The following STS variants were observed in gnomAD, a reference collection of about 807,000 sequenced individuals.
The protein encoded by STS is steroid sulfatase.
STS carries 7 observed loss-of-function variants against 26.8 expected under a neutral mutation model. The ratio of observed to expected loss-of-function variants is 0.26; its 90% CI spans 0.15 to 0.49. The LOEUF is 0.49. STS is among the 20% of genes least tolerant of loss of function. STS has a pLI of 0.98. For synonymous variants in STS, 199 were observed against 189.4 expected (o/e 1.05, Z -0.42); for missense variants, 434 against 465.6 (o/e 0.93, Z 0.63).
At chrX:7,200,174 T>C (rs1202216127) in intron 2 of STS, among the ~76,000 whole-genome samples, 2 of 110,732 alleles carry the variant, frequency 1.8e-5, no homozygotes, top group Non-Finnish European at 3.8e-5. Flanking sequence ...TTCTTCTTAG[T>C]CCTTTGAAAA....
intron 6 of STS, among the ~76,000 whole-genome samples, chrX:7,272,037 G>T (rs1422023395): frequency 5.5e-5 from 6 of 109,554 alleles, no homozygotes; most frequent in African/African-American, 2.0e-4. Context: ...AGTTCGAGGA[G>T]CCCAAGGTAT....
At chrX:7,178,154 A>G (rs1204398300) in intron 1 of STS, among the ~76,000 whole-genome samples, 1 of 112,423 alleles carries the variant, frequency 8.9e-6, no homozygotes, top group East Asian at 2.8e-4. Flanking sequence ...ATATAGAGAG[A>G]CAAAAGGTTT....
chrX:7,162,225 T>A (rs1012133515), intron 1 of STS, among the ~76,000 whole-genome samples: 4 of 111,516 alleles, frequency 3.6e-5, no homozygotes, highest in Non-Finnish European at 7.5e-5. Flanking sequence ...AACAAGCACT[T>A]CCCCAGTGCC....
chrX:7,275,459 G>A (rs1988081001), intron 6 of STS, among the ~76,000 whole-genome samples: 1 of 110,923 alleles, frequency 9.0e-6, no homozygotes, highest in African/African-American at 3.3e-5. Context: ...TACAAAATTT[G>A]TATATATATT....
At chrX:7,262,447 A>G (rs1236483001) in intron 6 of STS, among the ~76,000 whole-genome samples, 11 of 111,878 alleles carry the variant, frequency 9.8e-5, no homozygotes, top group Admixed American at 2.8e-4. Context: ...CATGGGGCTA[A>G]GAGGCAGTCT....
At chrX:7,305,637 T>C (rs1287940695) in intron 8 of STS, among the ~76,000 whole-genome samples, 1 of 111,812 alleles carries the variant, frequency 8.9e-6, no homozygotes, top group Non-Finnish European at 1.9e-5. Context: ...GGGGAATCTG[T>C]TTCCTTGGCT....
At chrX:7,334,150 C>T in intron 10 of STS, 43 bp downstream of exon 10, 1 of 1,210,220 alleles carries the variant, frequency 8.3e-7, no homozygotes, top group Non-Finnish European at 1.1e-6. Flanking sequence ...CTCCGTGCAA[C>T]CTATGCCATG....
chrX:7,182,098 C>G (rs1316217019), intron 1 of STS, among the ~76,000 whole-genome samples: 2 of 111,408 alleles, frequency 1.8e-5, no homozygotes, highest in Non-Finnish European at 3.8e-5. Flanking sequence ...AAAAAAACCT[C>G]AAAACAACCA....
At chrX:7,273,499 G>A (rs1249891294) in intron 6 of STS, among the ~76,000 whole-genome samples, 1 of 111,587 alleles carries the variant, frequency 9.0e-6, no homozygotes. Flanking sequence ...GTGGGTCCTA[G>A]CACTCCCATT....
At position 7,194,204 on chromosome X, in the gene STS, T is replaced by C. The variant is rs751696608; in HGVS notation, c.-5+3196T>C. 2.7e-5 allele frequency among the ~76,000 whole-genome samples: 3 copies of C among 111,406 alleles called. No individual in the cohort carries two copies. In the East Asian group the frequency reaches 8.4e-4, roughly 31 times the overall value. On this transcript the variant is annotated intron_variant, in intron 2 of 10. Coordinates refer to ENST00000674429, the MANE Select transcript of STS (RefSeq NM_001320752.2). ...GAGGCTAGAGAATGGGAAAGGCTGATTGGCACCATCAGCAAAGAAATCACA... is the reference window on the plus strand; with the variant it reads ...GAGGCTAGAGAATGGGAAAGGCTGACTGGCACCATCAGCAAAGAAATCACA...
At chrX:7,205,413 A>G (rs946371923) in intron 2 of STS, among the ~76,000 whole-genome samples, 2 of 111,578 alleles carry the variant, frequency 1.8e-5, no homozygotes, top group South Asian at 7.5e-4. Context: ...TCAATTAGGC[A>G]TGAAGGCTTT....
At chrX:7,235,501 A>G (rs969227959) in intron 2 of STS, among the ~76,000 whole-genome samples, 3 of 112,047 alleles carry the variant, frequency 2.7e-5, no homozygotes, top group East Asian at 2.8e-4. Flanking sequence ...AGCCGGGTCC[A>G]TTGGTTCACG....
chrX:7,216,750 CTG>C (rs1921326027), intron 2 of STS, among the ~76,000 whole-genome samples: 1 of 111,724 alleles, frequency 9.0e-6, no homozygotes, highest in African/African-American at 3.3e-5. Context: ...TAACTTATAA[CTG>C]TTTATAAGAC....
intron 7 of STS, among the ~76,000 whole-genome samples, chrX:7,297,396 A>G (rs1601722576): frequency 9.0e-6 from 1 of 111,155 alleles, no homozygotes. Context: ...TATGAAACCT[A>G]TATGCTAAGT....
intron 9 of STS, among the ~76,000 whole-genome samples, chrX:7,332,159 G>T (rs1229530841): frequency 3.7e-5 from 4 of 106,962 alleles, no homozygotes; most frequent in Non-Finnish European, 5.8e-5. Flanking sequence ...TGGGCAAATC[G>T]CTCCAAAAAA....
chrX:7,203,241 C>T (rs1024919580), intron 2 of STS, among the ~76,000 whole-genome samples: 3 of 112,197 alleles, frequency 2.7e-5, no homozygotes, highest in African/African-American at 6.5e-5. Context: ...TTCCATGGGG[C>T]AAAAAACTCT....
chrX:7,325,293 G>C (rs375791805), intron 8 of STS, 46 bp from the exon 9 acceptor site: 13 of 1,190,213 alleles, frequency 1.1e-5, no homozygotes, highest in Middle Eastern at 2.3e-4. Context: ...GCATTGAAAG[G>C]ATTGAAATCT....
chrX:7,173,168 T>G (rs1483625401), intron 1 of STS, among the ~76,000 whole-genome samples: 1 of 111,220 alleles, frequency 9.0e-6, no homozygotes, highest in Non-Finnish European at 1.9e-5. Flanking sequence ...CAACTCCCCC[T>G]TATAAATGAG....
At chrX:7,327,858 C>A (rs1054808110) in intron 9 of STS, among the ~76,000 whole-genome samples, 40 of 112,161 alleles carry the variant, frequency 3.6e-4, no homozygotes, top group Admixed American at 1.3e-3. Context: ...TTTGCCATTT[C>A]TTGTTTTGCC....
Sources: allele counts gnomAD v4.1 joint callset (sites outside exome capture counted in the v4.1 genomes callset), GRCh38; gene constraint gnomAD v4.1.1; transcripts MANE v1.5; gene names NCBI Gene and HGNC (gene_info 2026-07-23, HGNC 2026-07-21).